Variants in SCMH1 observed in about 807,000 individuals in gnomAD.
SCMH1 encodes the protein polycomb protein SCMH1.
SCMH1 carries 37 observed loss-of-function variants against 70.8 expected under a neutral mutation model. That is an observed-to-expected ratio of 0.52 (90% CI 0.40 to 0.69). The LOEUF is 0.69. Ranked by LOEUF, SCMH1 falls within the 30% of genes least tolerant of loss-of-function variation. The pLI, the probability that SCMH1 is intolerant of heterozygous loss-of-function variation, is 0.00. For missense variants in SCMH1, 607 were observed against 827.3 expected (o/e 0.73, Z 3.27); for synonymous variants, 292 against 307.4 (o/e 0.95, Z 0.52).
At chr1:41,170,414 C>T (rs1646710824) in intron 2 of SCMH1, among the ~76,000 whole-genome samples, 1 of 152,108 alleles carries the variant, frequency 6.6e-6, no homozygotes. Context: ...CCTCAGTTGC[C>T]CCATGGGTAG....
intron 5 of SCMH1, among the ~76,000 whole-genome samples, chr1:41,145,817 TC>T (rs1454604126): frequency 6.6e-6 from 1 of 152,174 alleles, no homozygotes; most frequent in African/African-American, 2.4e-5. Flanking sequence ...AACACATTAC[TC>T]ACATTTGTGG....
At chr1:41,041,269 GT>G (rs1190746599) in intron 12 of SCMH1, 1 of 151,904 alleles carries the variant, frequency 6.6e-6, no homozygotes, top group Non-Finnish European at 1.5e-5. Flanking sequence ...TTCCCACATC[GT>G]TTACTGCTCT....
At chr1:41,203,880 G>A (rs889026072) in intron 1 of SCMH1, among the ~76,000 whole-genome samples, 4 of 152,088 alleles carry the variant, frequency 2.6e-5, no homozygotes, top group African/African-American at 7.2e-5. Flanking sequence ...TAAATACGTG[G>A]GTAAATCTCT....
intron 1 of SCMH1, among the ~76,000 whole-genome samples, chr1:41,197,042 A>T (rs972676270): frequency 6.6e-6 from 1 of 152,182 alleles, no homozygotes; most frequent in Non-Finnish European, 1.5e-5. Flanking sequence ...AAAAAGAAAA[A>T]TAACAAATGC....
At chr1:41,167,651 G>A (rs1231993496) in intron 2 of SCMH1, among the ~76,000 whole-genome samples, 1 of 152,054 alleles carries the variant, frequency 6.6e-6, no homozygotes, top group Non-Finnish European at 1.5e-5. Context: ...CAATTTGTTG[G>A]CTTATAACTG....
At chr1:41,197,339 A>C (rs779137036) in intron 1 of SCMH1, among the ~76,000 whole-genome samples, 1 of 152,192 alleles carries the variant, frequency 6.6e-6, no homozygotes, top group African/African-American at 2.4e-5. Context: ...TGGTATACAC[A>C]TACAATGGAA....
intron 1 of SCMH1, among the ~76,000 whole-genome samples, chr1:41,216,998 G>C (rs1446542327): frequency 1.3e-5 from 2 of 152,186 alleles, no homozygotes; most frequent in Non-Finnish European, 2.9e-5. Flanking sequence ...TTGGTACCAA[G>C]AGTGGTGCAC....
chr1:41,038,832 A>G (rs764956439), intron 12 of SCMH1, among the ~76,000 whole-genome samples: 11 of 152,174 alleles, frequency 7.2e-5, no homozygotes, highest in South Asian at 4.1e-4. Context: ...TGGGAATCCA[A>G]TCCAGGATAT....
intron 5 of SCMH1, among the ~76,000 whole-genome samples, chr1:41,146,698 T>C (rs894092345): frequency 5.9e-5 from 9 of 152,304 alleles, no homozygotes; most frequent in African/African-American, 2.2e-4. Context: ...TGTAGTAGGC[T>C]ATAGCATCCA....
At chr1:41,158,747 C>G (rs1055423088) in intron 4 of SCMH1, among the ~76,000 whole-genome samples, 3 of 151,888 alleles carry the variant, frequency 2.0e-5, no homozygotes, top group Non-Finnish European at 4.4e-5. Flanking sequence ...GGTGATAGGG[C>G]TGGAGGCAAA....
At chr1:41,134,080 C>G (rs545578399) in intron 6 of SCMH1, among the ~76,000 whole-genome samples, 2 of 152,254 alleles carry the variant, frequency 1.3e-5, no homozygotes, top group Admixed American at 1.3e-4. Flanking sequence ...AAAAGCGTAT[C>G]CACAACAATC....
chr1:41,117,403 G>A (rs12140747), intron 6 of SCMH1, among the ~76,000 whole-genome samples: 11,856 of 151,352 alleles, frequency 0.078, 595 homozygotes, highest in South Asian at 0.13. Flanking sequence ...TAACACCAGC[G>A]TCTGGGAAGA....
intron 1 of SCMH1, among the ~76,000 whole-genome samples, chr1:41,200,516 TATAATA>T (rs749044541): frequency 1.4e-4 from 20 of 145,916 alleles, no homozygotes; most frequent in African/African-American, 4.0e-4. Context: ...ATAATAATAA[TATAATA>T]ATAATAATAA....
At chr1:41,097,622 C>A (rs1252097277) in intron 8 of SCMH1, among the ~76,000 whole-genome samples, 1 of 152,210 alleles carries the variant, frequency 6.6e-6, no homozygotes, top group Non-Finnish European at 1.5e-5. Context: ...GCATGTGCCA[C>A]CACAGCTAGC....
At chr1:41,089,010 A>C (rs888338530) in intron 8 of SCMH1, among the ~76,000 whole-genome samples, 1 of 152,146 alleles carries the variant, frequency 6.6e-6, no homozygotes, top group African/African-American at 2.4e-5. Flanking sequence ...TGGCTTGTTA[A>C]AATTCAGATT....
At chr1:41,070,709 T>A (rs776169221) in exon 10 of SCMH1, 12 of 1,614,036 alleles carry the variant, frequency 7.4e-6, no homozygotes, top group Non-Finnish European at 9.3e-6. Context: ...TTCAGCAAAG[T>A]CCGAGGTTTC....
At position 41,036,504 on chromosome 1, in the gene SCMH1, C is replaced by T. The variant is rs1021465234; in HGVS notation, c.1678+858G>A. On this transcript the variant is annotated intron_variant, in intron 13 of 14. Coordinates refer to ENST00000337495, the Ensembl canonical transcript of SCMH1. ...TCCAAACCTTCTGTCTCTGCCCTAA[C>T]CCAGGCCTTTGTCACTTCAGATCTG... 5.9e-5 allele frequency among the ~76,000 whole-genome samples: 9 copies of T among 152,356 alleles called. No individual in the cohort carries two copies. In the South Asian group the frequency reaches 1.9e-3, roughly 32 times the overall value.
chr1:41,198,561 T>C (rs1653582482), intron 1 of SCMH1, among the ~76,000 whole-genome samples: 1 of 152,200 alleles, frequency 6.6e-6, no homozygotes, highest in Admixed American at 6.5e-5. Flanking sequence ...TTTTCTAGTA[T>C]ATAAGTCTAC....
rs139176033 is a variant in SCMH1, at chr1:41,129,589, G to A, written c.413-12579C>T. ...GCATCTCTCTCTCTTCCCCAGCCCC[G>A]CTCTCTTTCTGTGTGTGCGTATGTG... On this transcript the variant is annotated intron_variant, in intron 6 of 14. Coordinates refer to ENST00000337495, the Ensembl canonical transcript of SCMH1. Among the ~76,000 whole-genome samples the A allele has an allele frequency of 1.4e-3, 206 of 152,054 alleles. 2 individuals are homozygous for A. The highest frequency in any genetic ancestry group is 6.8e-3 in the Middle Eastern group (2 of 294).
Sources: allele counts gnomAD v4.1 joint callset (sites outside exome capture counted in the v4.1 genomes callset), GRCh38; gene constraint gnomAD v4.1.1; transcripts MANE v1.5; gene names NCBI Gene and HGNC (gene_info 2026-07-23, HGNC 2026-07-21).